MKLN1: variants seen among roughly 807,000 people sequenced by gnomAD.
MKLN1 encodes muskelin.
In MKLN1, 18 loss-of-function variants were observed where a neutral mutation model predicts 99.0. The observed-to-expected ratio is 0.18, with a 90% confidence interval of 0.13 to 0.27. MKLN1 has a LOEUF of 0.27. Ranked by LOEUF, MKLN1 falls within the 10% of genes least tolerant of loss-of-function variation. The pLI, the probability that MKLN1 is intolerant of heterozygous loss-of-function variation, is 1.00. For synonymous variants in MKLN1, 288 were observed against 293.2 expected (o/e 0.98, Z 0.18); for missense variants, 621 against 875.9 (o/e 0.71, Z 3.67).
At chr7:131,167,130 T>G (rs148639683) in intron 2 of MKLN1, among the ~76,000 whole-genome samples, 1 of 152,156 alleles carries the variant, frequency 6.6e-6, no homozygotes, top group African/African-American at 2.4e-5. Context: ...TTTACTTGCT[T>G]ATATCACAAC....
chr7:131,436,594 G>A (rs769719455), intron 9 of MKLN1, among the ~76,000 whole-genome samples: 1 of 152,144 alleles, frequency 6.6e-6, no homozygotes, highest in Admixed American at 6.5e-5. Flanking sequence ...CTGTGAAATG[G>A]TGATAATATT....
chr7:131,141,557 G>A lies in MKLN1; in HGVS notation c.-418-1263G>A, dbSNP rs150744911. On this transcript the variant is annotated intron_variant, in intron 1 of 7. Transcript: ENST00000416992. Reference sequence around the variant, plus strand: ...TTCCAGTCTCATCTCTGACCACTCTGAGACTCTCTAAACTACTTTTAGTAC... The same window carrying A: ...TTCCAGTCTCATCTCTGACCACTCTAAGACTCTCTAAACTACTTTTAGTAC... Among the ~76,000 whole-genome samples, 190 of 152,236 alleles carry A rather than the reference G, an allele frequency of 1.2e-3. 1 individual carries two copies. The highest frequency in any genetic ancestry group is 4.3e-3 in the African/African-American group (179 of 41,534).
intron 3 of MKLN1, among the ~76,000 whole-genome samples, chr7:131,261,502 G>A (rs1797730770): frequency 6.6e-6 from 1 of 152,172 alleles, no homozygotes; most frequent in African/African-American, 2.4e-5. Flanking sequence ...ATAACATGGT[G>A]GTGAGGTTGT....
At position 131,477,241 on chromosome 7, in the gene MKLN1, A is replaced by G. The variant is rs570743287; in HGVS notation, c.2032-1382A>G. On this transcript the variant is annotated intron_variant, in intron 16 of 17. Transcript: ENST00000352689. Reference sequence around the variant, plus strand: ...AAAAAGTTAAAATTTCTGCTCATTAAAGGACTTTTAAAAACATAGACATTG... The same window carrying G: ...AAAAAGTTAAAATTTCTGCTCATTAGAGGACTTTTAAAAACATAGACATTG... Among the ~76,000 whole-genome samples the G allele has an allele frequency of 1.4e-4, 21 of 152,290 alleles. No homozygotes were observed. In the South Asian group the frequency reaches 4.3e-3, roughly 32 times the overall value.
intron 2 of MKLN1, among the ~76,000 whole-genome samples, chr7:131,384,756 C>G (rs1793957824): frequency 6.6e-6 from 1 of 152,196 alleles, no homozygotes; most frequent in Non-Finnish European, 1.5e-5. Context: ...ACTGCTACTA[C>G]TGTGAATGAG....
intron 3 of MKLN1, among the ~76,000 whole-genome samples, chr7:131,227,495 CTCTTTCTTTCTTTCTT>C (rs369374338): frequency 1.6e-4 from 18 of 115,788 alleles, no homozygotes; most frequent in East Asian, 7.2e-4. Flanking sequence ...CTCTTTCTTT[CTCTTTCTTTCTTTCTT>C]TCTTTCTTTC....
chr7:131,180,322 T>A (rs540739697), intron 2 of MKLN1, among the ~76,000 whole-genome samples: 1 of 152,320 alleles, frequency 6.6e-6, no homozygotes, highest in South Asian at 2.1e-4. Context: ...ATGAAGCAAA[T>A]GGTGCAAATG....
rs1306847349 is a variant in MKLN1, at chr7:131,490,939, A to G, written c.*3211A>G. On this transcript the variant is annotated 3_prime_UTR_variant, in exon 18 of 18. Transcript: ENST00000352689. Reference sequence around the variant, plus strand: ...CACCCAAGCATTTAGTGAGAGATTGAGAATGATGCTTAATGGATCAAAAAA... The same window carrying G: ...CACCCAAGCATTTAGTGAGAGATTGGGAATGATGCTTAATGGATCAAAAAA... 5 of 152,530 alleles carry G rather than the reference A, an allele frequency of 3.3e-5. No individual in the cohort carries two copies. Among genetic ancestry groups the G allele is most frequent in the African/African-American group, 1.2e-4 (5 of 41,452 alleles). The allele number at this position is 152,530 out of a possible 1,614,324, so 9.4% of individuals were successfully genotyped here.
chr7:131,306,830 C>T (rs1202956444), intron 3 of MKLN1, among the ~76,000 whole-genome samples: 1 of 152,140 alleles, frequency 6.6e-6, no homozygotes, highest in Non-Finnish European at 1.5e-5. Flanking sequence ...TTCAAGCTGC[C>T]AGCTGCAAAA....
In MKLN1 at chr7:131,331,825, T is replaced by C. The variant is rs17165565; in HGVS notation, c.98+3828T>C. ...GATGTTTAAGATTTTAGTATACTCATATGAGAACTGGGAGAAACTTTGAAA... is the reference window on the plus strand; with the variant it reads ...GATGTTTAAGATTTTAGTATACTCACATGAGAACTGGGAGAAACTTTGAAA... On this transcript the variant is annotated intron_variant, in intron 1 of 17. Transcript: ENST00000352689. Among the ~76,000 whole-genome samples the C allele has an allele frequency of 6.7e-3, 1,022 of 152,268 alleles. 11 individuals carry two copies. Among genetic ancestry groups the C allele is most frequent in the African/African-American group, 0.023 (952 of 41,504 alleles).
chr7:131,284,052 C>T (rs1798097798), intron 3 of MKLN1, among the ~76,000 whole-genome samples: 2 of 152,070 alleles, frequency 1.3e-5, no homozygotes, highest in African/African-American at 4.8e-5. Flanking sequence ...TTGTTATGGC[C>T]AGTTTTTTGC....
At chr7:131,318,369 C>T (rs887802167) in intron 3 of MKLN1, among the ~76,000 whole-genome samples, 10 of 151,960 alleles carry the variant, frequency 6.6e-5, no homozygotes, top group Admixed American at 5.9e-4. Flanking sequence ...GGATAAATAT[C>T]GAAATTAAGG....
At chr7:131,178,642 A>G (rs1796336179) in intron 2 of MKLN1, among the ~76,000 whole-genome samples, 1 of 152,002 alleles carries the variant, frequency 6.6e-6, no homozygotes, top group Admixed American at 6.6e-5. Context: ...GAATTTGCTC[A>G]TATTGGCACT....
At chr7:131,194,008 T>G (rs77383706) in intron 2 of MKLN1, among the ~76,000 whole-genome samples, 17,486 of 133,172 alleles carry the variant, frequency 0.13, 1,173 homozygotes, top group Non-Finnish European at 0.17. Flanking sequence ...GTTTTGTTTT[T>G]TTTTTTTTTT....
chr7:131,281,094 G>A lies in MKLN1; in HGVS notation c.-179+78120G>A, dbSNP rs569466219. Among the ~76,000 whole-genome samples, 341 of 151,816 alleles carry A rather than the reference G, an allele frequency of 2.2e-3. 3 individuals are homozygous for A. The highest frequency in any genetic ancestry group is 7.9e-3 in the African/African-American group (328 of 41,366). Reference sequence around the variant, plus strand: ...TTTCTTTTGTTACTTCTGCTTTGGCGACATCCAAGAAACTATTGCCAAATC... The same window carrying A: ...TTTCTTTTGTTACTTCTGCTTTGGCAACATCCAAGAAACTATTGCCAAATC... On this transcript the variant is annotated intron_variant, in intron 3 of 7. Coordinates refer to the MKLN1 transcript ENST00000416992.
intron 2 of MKLN1, among the ~76,000 whole-genome samples, chr7:131,168,695 A>G (rs1315843948): frequency 7.9e-6 from 1 of 126,294 alleles, no homozygotes; most frequent in African/African-American, 3.4e-5. Flanking sequence ...GCCTTTATGT[A>G]TATTTTCTTT....
intron 1 of MKLN1, among the ~76,000 whole-genome samples, chr7:131,347,547 C>G (rs1799600400): frequency 6.6e-6 from 1 of 152,154 alleles, no homozygotes; most frequent in Non-Finnish European, 1.5e-5. Flanking sequence ...CTCCTGCCCC[C>G]TCTTACTGAC....
intron 3 of MKLN1, among the ~76,000 whole-genome samples, chr7:131,303,277 C>T (rs549992921): frequency 7.6e-4 from 116 of 152,290 alleles, no homozygotes; most frequent in Non-Finnish European, 3.1e-4. Context: ...CTGCAGCAGG[C>T]GGAGGCTGCA....
At chr7:131,136,503 A>G (rs1795650332) in intron 1 of MKLN1, among the ~76,000 whole-genome samples, 1 of 152,218 alleles carries the variant, frequency 6.6e-6, no homozygotes, top group Non-Finnish European at 1.5e-5. Context: ...CCAGACCCAG[A>G]CTTTGATTTT....
Sources: gnomAD v4.1 joint callset for allele counts (sites outside exome capture counted in the v4.1 genomes callset) on GRCh38, gnomAD v4.1.1 for gene constraint, MANE v1.5 for transcripts, NCBI Gene and HGNC (gene_info 2026-07-23, HGNC 2026-07-21) for gene names.